SPOCK3: variants seen among roughly 807,000 people sequenced by gnomAD.
SPOCK3 encodes SPARC (osteonectin), cwcv and kazal like domains proteoglycan 3, also known as testican-3.
In SPOCK3, 30 loss-of-function variants were observed where a neutral mutation model predicts 56.6. That is an observed-to-expected ratio of 0.53 (90% confidence interval 0.40 to 0.72). SPOCK3 has a LOEUF of 0.72. Ranked by LOEUF, SPOCK3 falls within the 30% of genes least tolerant of loss-of-function variation. SPOCK3 has a pLI of 0.00. For synonymous variants in SPOCK3, 196 were observed against 183.3 expected (o/e 1.07, Z -0.56); for missense variants, 527 against 530.0 (o/e 0.99, Z 0.06).
Position 167,111,275 on chromosome 4 carries a change from T to G in SPOCK3, c.190-48738A>C, listed in dbSNP as rs369898448. On this transcript the variant is annotated intron_variant, in intron 2 of 10. Transcript: ENST00000357545. The stretch of plus-strand genomic sequence containing the variant: ...ATGCAAGTAAGATCATTAAGATAGA[T>G]AACAAAGCCCGCGGACTCAAGAACA... 9.2e-5 allele frequency among the ~76,000 whole-genome samples: 14 copies of G among 152,068 alleles called. No homozygotes were observed. The East Asian group carries it at 2.3e-3, about 25-fold the overall frequency.
intron 7 of SPOCK3, among the ~76,000 whole-genome samples, chr4:166,784,393 T>C (rs921021348): frequency 6.6e-6 from 1 of 152,122 alleles, no homozygotes; most frequent in African/African-American, 2.4e-5. Flanking sequence ...AAAATTAAAA[T>C]ATACAAATCT....
At chr4:166,870,809 C>T (rs1732384261) in intron 6 of SPOCK3, among the ~76,000 whole-genome samples, 2 of 152,032 alleles carry the variant, frequency 1.3e-5, no homozygotes, top group Admixed American at 6.6e-5. Flanking sequence ...GAATTATAAT[C>T]CCCATAATTC....
chr4:167,055,322 C>A (rs114123083), intron 3 of SPOCK3, among the ~76,000 whole-genome samples: 1,720 of 152,160 alleles, frequency 0.011, 19 homozygotes, highest in Non-Finnish European at 0.018. Context: ...GAGAGGGGAG[C>A]CAAGATGGCC....
At chr4:166,865,249 T>C (rs1171191389) in intron 6 of SPOCK3, among the ~76,000 whole-genome samples, 2 of 152,250 alleles carry the variant, frequency 1.3e-5, no homozygotes, top group East Asian at 3.9e-4. Flanking sequence ...TGCTAAAAAC[T>C]CTCAATAAAC....
chr4:167,001,530 T>C (rs1273005396), intron 3 of SPOCK3, among the ~76,000 whole-genome samples: 1 of 152,204 alleles, frequency 6.6e-6, no homozygotes, highest in African/African-American at 2.4e-5. Context: ...TATTCACTAG[T>C]AGATATGAAT....
intron 6 of SPOCK3, among the ~76,000 whole-genome samples, chr4:166,879,765 T>A (rs9996631): frequency 0.077 from 11,766 of 152,248 alleles, 542 homozygotes; most frequent in Non-Finnish European, 0.1. Flanking sequence ...CTCATATCTC[T>A]TGTTGGATTT....
chr4:166,824,573 A>G (rs1387309847), intron 6 of SPOCK3, among the ~76,000 whole-genome samples: 1 of 152,128 alleles, frequency 6.6e-6, no homozygotes, highest in Non-Finnish European at 1.5e-5. Flanking sequence ...TGGTTAACAC[A>G]CAAAAAATGA....
Position 167,005,836 on chromosome 4 carries a change from G to A in SPOCK3, c.236-5373C>T, listed in dbSNP as rs567154592. Among the ~76,000 whole-genome samples, 476 of 152,206 alleles carry A rather than the reference G, an allele frequency of 3.1e-3. 1 individual carries two copies. The highest frequency in any genetic ancestry group is 0.011 in the African/African-American group (452 of 41,504). On this transcript the variant is annotated intron_variant, in intron 3 of 10. Coordinates refer to ENST00000357545, the MANE Select transcript of SPOCK3 (RefSeq NM_001040159.2). ...AAAGAAAAGGATACTGTGAATTAAT[G>A]TAAATTAATTTATGATTTTAAGTCA...
At chr4:167,083,096 C>T (rs1757871008) in intron 2 of SPOCK3, 1 of 734,294 alleles carries the variant, frequency 1.4e-6, no homozygotes, top group Non-Finnish European at 2.5e-6. Flanking sequence ...GAGCCCCCCT[C>T]ACACAATGAA....
chr4:167,174,821 A>T (rs575827910), intron 2 of SPOCK3, among the ~76,000 whole-genome samples: 21 of 152,332 alleles, frequency 1.4e-4, no homozygotes, highest in Admixed American at 7.2e-4. Flanking sequence ...GTGCACACGC[A>T]CACAAACACA....
chr4:166,927,298 G>T (rs904529440), intron 4 of SPOCK3, among the ~76,000 whole-genome samples: 10 of 152,116 alleles, frequency 6.6e-5, no homozygotes, highest in Non-Finnish European at 1.0e-4. Context: ...AATCATTGGG[G>T]CGGTTTCTCC....
At chr4:166,997,040 C>T (rs1748456106) in intron 4 of SPOCK3, among the ~76,000 whole-genome samples, 2 of 152,080 alleles carry the variant, frequency 1.3e-5, no homozygotes, top group African/African-American at 4.8e-5. Flanking sequence ...TAGCCATCAT[C>T]CCAGCAAACT....
intron 3 of SPOCK3, among the ~76,000 whole-genome samples, chr4:167,012,912 C>T (rs1215125017): frequency 1.3e-5 from 2 of 151,830 alleles, no homozygotes; most frequent in East Asian, 1.9e-4. Context: ...TAATGAAAGG[C>T]TTTGCAACTG....
chr4:167,114,841 T>C (rs1271713189), intron 2 of SPOCK3, among the ~76,000 whole-genome samples: 1 of 152,042 alleles, frequency 6.6e-6, no homozygotes, highest in Non-Finnish European at 1.5e-5. Flanking sequence ...TAGTGTCTCA[T>C]TCAGAGTTGC....
chr4:167,088,881 T>C (rs1259945087), intron 2 of SPOCK3, among the ~76,000 whole-genome samples: 1 of 152,180 alleles, frequency 6.6e-6, no homozygotes, highest in Non-Finnish European at 1.5e-5. Flanking sequence ...ACTAAACAAG[T>C]TGTAAATACT....
chr4:167,040,737 T>C (rs1323125605), intron 3 of SPOCK3, among the ~76,000 whole-genome samples: 1 of 152,190 alleles, frequency 6.6e-6, no homozygotes, highest in Non-Finnish European at 1.5e-5. Flanking sequence ...TTATAACATG[T>C]CAATATTTAC....
intron 2 of SPOCK3, among the ~76,000 whole-genome samples, chr4:167,205,346 T>G (rs1302331342): frequency 2.6e-3 from 103 of 39,596 alleles, no homozygotes; most frequent in Admixed American, 6.7e-3. Flanking sequence ...ATATATTATA[T>G]ATATAATATA....
intron 2 of SPOCK3, among the ~76,000 whole-genome samples, chr4:167,084,140 C>G (rs1757972552): frequency 1.3e-5 from 2 of 151,814 alleles, no homozygotes; most frequent in Admixed American, 6.6e-5. Context: ...ACAAGAGCAC[C>G]TAATATTAGG....
intron 3 of SPOCK3, among the ~76,000 whole-genome samples, chr4:167,054,719 A>C (rs980302772): frequency 5.3e-5 from 8 of 152,362 alleles, no homozygotes; most frequent in African/African-American, 1.9e-4. Flanking sequence ...TAAAACATAA[A>C]GAAACTGGAA....
Sources: gnomAD v4.1 joint callset for allele counts (sites outside exome capture counted in the v4.1 genomes callset) on GRCh38, gnomAD v4.1.1 for gene constraint, MANE v1.5 for transcripts, NCBI Gene and HGNC (gene_info 2026-07-23, HGNC 2026-07-21) for gene names.